NUP133: variants seen among roughly 807,000 people sequenced by gnomAD.
NUP133 encodes the protein nucleoporin 133.
In NUP133, 66 loss-of-function variants were observed where a neutral mutation model predicts 146.2. The observed-to-expected ratio is 0.45, with a 90% CI of 0.37 to 0.55. The LOEUF (loss-of-function observed/expected upper bound fraction) is 0.55. NUP133 is among the 20% of genes least tolerant of loss of function. NUP133 has a pLI of 0.00. For missense variants in NUP133, 1,277 were observed against 1,374.8 expected, an observed-to-expected ratio of 0.93 and a Z score of 1.12; for synonymous variants, 521 against 498.8, an observed-to-expected ratio of 1.04 and a Z score of -0.59.
At chr1:229,495,870 G>A (rs757337782) in intron 7 of NUP133, 22 bp downstream of exon 7, 1 of 1,545,906 alleles carries the variant, frequency 6.5e-7, no homozygotes, top group South Asian at 1.2e-5. Context: ...GAATTACAGA[G>A]ATGAATATTA....
At position 229,472,707 on chromosome 1, in the gene NUP133, C is replaced by CATATATATATATATATATATATATAT. The variant is rs372362492; in HGVS notation, c.1852-1904_1852-1903insATATATATATATATATATATATATAT. On this transcript the variant is annotated intron_variant, in intron 14 of 25. Coordinates refer to ENST00000261396, the MANE Select transcript of NUP133 (RefSeq NM_018230.3). ...CAAAAAAATTAAAAAACTAAATATA[C>CATATATATATATATATATATATATAT]ATATATATATATATATATATGTACA... Among the ~76,000 whole-genome samples, 360 of 124,016 alleles carry CATATATATATATATATATATATATAT rather than the reference C, an allele frequency of 2.9e-3. 7 individuals are homozygous for CATATATATATATATATATATATATAT. Among genetic ancestry groups the CATATATATATATATATATATATATAT allele is most frequent in the East Asian group, 4.1e-3 (18 of 4,358 alleles). The allele number at this position is 124,016 out of a possible 152,430, so 81.4% of individuals were successfully genotyped here.
At position 229,502,100 on chromosome 1, in the gene NUP133, C is replaced by T. The variant is rs780588731; in HGVS notation, c.304G>A (p.Asp102Asn). Reference sequence around the variant, plus strand: ...TCTATGTTAATGGTCAGCTGGTCATCGACTAAAGGAAAAAATGAGGTGGGT... The same window carrying T: ...TCTATGTTAATGGTCAGCTGGTCATTGACTAAAGGAAAAAATGAGGTGGGT... ...VMEALTLAEVDDQLTINIDEG... is the reference protein window; with the variant it reads ...VMEALTLAEVNDQLTINIDEG... Residue 102 changes from aspartate (D) to asparagine (N), a missense_variant and splice_region_variant, in exon 3 of 26, where the codon GAT (aspartate) becomes AAT (asparagine). By Grantham distance (23) the Asp-to-Asn change is conservative. This residue lies in a region of NUP133 where 319 missense variants were observed against 306.9 expected (regional missense o/e 1.04). Transcript: ENST00000261396. The T allele has an allele frequency of 8.1e-6, 13 of 1,610,608 alleles. No homozygotes were observed. Among genetic ancestry groups the T allele is most frequent in the Middle Eastern group, 1.6e-4 (1 of 6,074 alleles).
intron 23 of NUP133, among the ~76,000 whole-genome samples, chr1:229,449,534 A>AT (rs573432687): frequency 5.3e-5 from 8 of 151,076 alleles, no homozygotes; most frequent in Non-Finnish European, 1.0e-4. Context: ...CGCCCAGCTA[A>AT]TTTTTTTTGT....
Position 229,496,474 on chromosome 1 carries a change from AAAAC to A in NUP133, c.820-431_820-428del, listed in dbSNP as rs575735170. Among the ~76,000 whole-genome samples, 391 of 152,286 alleles carry A rather than the reference AAAAC, an allele frequency of 2.6e-3. 3 individuals are homozygous for A. The highest frequency in any genetic ancestry group is 9.0e-3 in the African/African-American group (376 of 41,558). On this transcript the variant is annotated intron_variant, in intron 6 of 25. Transcript: ENST00000261396. ...GGCGACAGAGTGAGATTCCATCTCC[AAAAC>A]AAACAAACAAAACAAACCAGAAATG...
chr1:229,494,147 A>G (rs1361273925), intron 8 of NUP133, among the ~76,000 whole-genome samples: 2 of 152,166 alleles, frequency 1.3e-5, no homozygotes, highest in Non-Finnish European at 2.9e-5. Flanking sequence ...AATAAAAAGA[A>G]AAAAGAAAAA....
chr1:229,442,570 T>C, intron 25 of NUP133, among the ~76,000 whole-genome samples: 1 of 152,142 alleles, frequency 6.6e-6, no homozygotes, highest in East Asian at 1.9e-4. Flanking sequence ...ATTTTCTCAT[T>C]TGACAAATAG....
intron 20 of NUP133, 24 bp from the exon 21 acceptor site, chr1:229,458,320 CGTA>C: frequency 1.2e-6 from 2 of 1,605,622 alleles, no homozygotes; most frequent in Non-Finnish European, 1.7e-6. Flanking sequence ...TGCAAACCAT[CGTA>C]AGATACTGAG....
chr1:229,482,783 A>G (rs1213150255), intron 12 of NUP133, among the ~76,000 whole-genome samples: 1 of 152,182 alleles, frequency 6.6e-6, no homozygotes, highest in Non-Finnish European at 1.5e-5. Flanking sequence ...AAAGACTTAA[A>G]GAGTGTGCAC....
In NUP133 at chr1:229,486,353, C is replaced by G. The variant is rs1479515269; in HGVS notation, c.1500+18G>C. The G allele has an allele frequency of 6.5e-7, 1 of 1,548,278 alleles. No individual in the cohort carries two copies. Among genetic ancestry groups the G allele is most frequent in the Non-Finnish European group, 8.6e-7 (1 of 1,160,852 alleles). ...ATAAATAACATAAAAACTTCAAATT[C>G]TTATCGAATCACATTACCTCACTGT... On this transcript the variant is annotated intron_variant, in intron 11 of 25. Transcript: ENST00000261396.
chr1:229,454,354 C>T (rs1048145590), intron 21 of NUP133, among the ~76,000 whole-genome samples: 4 of 152,122 alleles, frequency 2.6e-5, no homozygotes, highest in East Asian at 3.9e-4. Flanking sequence ...CAGATACTTT[C>T]GCTCAAATAC....
At chr1:229,468,833 A>G (rs1159790052) in intron 15 of NUP133, among the ~76,000 whole-genome samples, 1 of 152,206 alleles carries the variant, frequency 6.6e-6, no homozygotes, top group African/African-American at 2.4e-5. Context: ...ACTTGAGGTG[A>G]TTTGTTTTTC....
At chr1:229,490,168 TA>T in intron 8 of NUP133, 66 bp from the exon 9 acceptor site, 3 of 1,340,984 alleles carry the variant, frequency 2.2e-6, no homozygotes, top group Non-Finnish European at 3.0e-6. Context: ...CCTATAAAAT[TA>T]AACATATGCT....
intron 6 of NUP133, among the ~76,000 whole-genome samples, chr1:229,496,576 G>A (rs1351764670): frequency 1.3e-5 from 2 of 152,206 alleles, no homozygotes; most frequent in African/African-American, 4.8e-5. Flanking sequence ...AAGCCCAAGA[G>A]GAGAAGAGCT....
At chr1:229,475,494 G>A (rs898896059) in intron 14 of NUP133, 144 bp downstream of exon 14, 19 of 573,968 alleles carry the variant, frequency 3.3e-5, no homozygotes, top group African/African-American at 1.9e-4. Context: ...CTGGAATTAC[G>A]GACTTTTAAA....
intron 24 of NUP133, among the ~76,000 whole-genome samples, chr1:229,446,893 G>A (rs931840129): frequency 1.3e-5 from 2 of 152,210 alleles, no homozygotes; most frequent in South Asian, 2.1e-4. Context: ...TTGGGAGGCC[G>A]AGGCAGGCAG....
rs547288659 is a variant in NUP133, at chr1:229,441,090, A to G, written c.*814T>C. On this transcript the variant is annotated 3_prime_UTR_variant, in exon 26 of 26. Coordinates refer to ENST00000261396, the MANE Select transcript of NUP133 (RefSeq NM_018230.3). ...TCTGAGAGTACAGTACCTTTCAGTC[A>G]CATCAATTGCCATATTAGGAAAACC... The G allele has an allele frequency of 3.9e-4, 99 of 255,262 alleles. No individual in the cohort carries two copies. The highest frequency in any genetic ancestry group is 2.1e-3 in the African/African-American group (94 of 45,048). The allele number at this position is 255,262 out of a possible 1,614,324, so 15.8% of individuals were successfully genotyped here.
chr1:229,489,219 G>C (rs1235411496), intron 9 of NUP133, among the ~76,000 whole-genome samples: 4 of 152,076 alleles, frequency 2.6e-5, no homozygotes, highest in African/African-American at 9.7e-5. Context: ...TCACAGGTGT[G>C]AATATGGTAC....
At chr1:229,450,739 T>G (rs4925452) in intron 22 of NUP133, 134 bp from the exon 23 acceptor site, 25,601 of 469,768 alleles carry the variant, frequency 0.054, 2,253 homozygotes, top group African/African-American at 0.27. Flanking sequence ...TTGTTTGTTT[T>G]TTTTGAGACA....
chr1:229,492,685 G>C (rs370850964), intron 8 of NUP133, among the ~76,000 whole-genome samples: 1 of 151,900 alleles, frequency 6.6e-6, no homozygotes, highest in African/African-American at 2.4e-5. Flanking sequence ...AATATCATAT[G>C]TTCTCACCTA....
Sources: gnomAD v4.1 joint callset for allele counts (sites outside exome capture counted in the v4.1 genomes callset) on GRCh38, gnomAD v4.1.1 for gene constraint, gnomAD v4.1.1 regional missense constraint, MANE v1.5 for transcripts, NCBI Gene and HGNC (gene_info 2026-07-23, HGNC 2026-07-21) for gene names.